The following SEMA4G variants were observed in gnomAD, a reference collection of about 807,000 sequenced individuals.
The protein encoded by SEMA4G is semaphorin 4G.
A neutral mutation model predicts 81.2 loss-of-function variants in SEMA4G; 59 were observed. The observed-to-expected ratio is 0.73, with a 90% CI of 0.59 to 0.90. SEMA4G has a LOEUF of 0.90. Among genes scored for constraint, SEMA4G ranks in the 40% least tolerant of loss-of-function variants. The pLI, the probability that SEMA4G is intolerant of heterozygous loss-of-function variation, is 0.00. For synonymous variants in SEMA4G, 404 were observed against 433.9 expected (o/e 0.93, Z 0.86); for missense variants, 952 against 1,102.3 (o/e 0.86, Z 1.93).
intron 4 of SEMA4G, 70 bp downstream of exon 5, chr10:100,977,800 A>G: frequency 1.5e-6 from 2 of 1,304,484 alleles, no homozygotes; most frequent in Non-Finnish European, 2.2e-6. Context: ...CAAGATGCCA[A>G]AGAAGAGACT....
rs775419372 is a variant in SEMA4G, at chr10:100,974,960, TA to T, written c.336+1360del. On this transcript the variant is annotated intron_variant, in intron 3 of 13. Coordinates refer to ENST00000370250, the Ensembl canonical transcript of SEMA4G. Reference sequence around the variant, plus strand: ...GACTCTATCTCTAATAAAAAATAATTAAAAAAAAATTCCCAAGATCCACTGG... The same window carrying T: ...GACTCTATCTCTAATAAAAAATAATTAAAAAAAATTCCCAAGATCCACTGG... The T allele has an allele frequency of 2.0e-4, 104 of 511,356 alleles. 1 individual carries two copies. The highest frequency in any genetic ancestry group is 1.0e-3 in the Admixed American group (46 of 45,776). 31.7% of individuals were successfully genotyped at this position (511,356 alleles called of 1,614,324 possible).
At chr10:100,979,433 A>G in intron 8 of SEMA4G, 162 bp downstream of exon 9, 1 of 1,537,786 alleles carries the variant, frequency 6.5e-7, no homozygotes, top group Non-Finnish European at 8.8e-7. Flanking sequence ...GCCAGGCTGG[A>G]GTGCAGTGGC....
exon 10 of SEMA4G, chr10:100,980,137 T>C: frequency 4.3e-6 from 7 of 1,614,164 alleles, no homozygotes; most frequent in South Asian, 1.1e-5. Context: ...CACAGATTCA[T>C]TGCGCAGCCA....
chr10:100,975,875 G>C (rs556196201), intron 3 of SEMA4G, among the ~76,000 whole-genome samples: 10 of 152,052 alleles, frequency 6.6e-5, no homozygotes, highest in Non-Finnish European at 1.5e-4. Context: ...CTCCAACCTA[G>C]CGGCAGAGCA....
At chr10:100,984,290 CA>C in exon 14 of SEMA4G, 1 of 1,439,416 alleles carries the variant, frequency 6.9e-7, no homozygotes, top group Non-Finnish European at 9.1e-7. Context: ...CAGGCCCAGC[CA>C]AAGCCCCCTC....
At chr10:100,984,112 T>C (rs1424259786) in exon 14 of SEMA4G, 8 of 1,611,626 alleles carry the variant, frequency 5.0e-6, no homozygotes, top group East Asian at 2.2e-5. Context: ...GTGGAGCAGC[T>C]AGATGAGAGC....
chr10:100,983,213 G>A (rs922335836), intron 13 of SEMA4G, 92 bp from the exon 15 acceptor site: 2 of 1,372,536 alleles, frequency 1.5e-6, no homozygotes, highest in South Asian at 1.5e-5. Context: ...TCTGTGCTTG[G>A]TGCCAGGGAC....
chr10:100,984,479 C>G, exon 14 of SEMA4G: 1 of 1,531,170 alleles, frequency 6.5e-7, no homozygotes, highest in Non-Finnish European at 8.7e-7. Flanking sequence ...AACCCTTTCT[C>G]TTTCTCCCAG....
At chr10:100,978,785 C>T in intron 6 of SEMA4G, 64 bp from the exon 8 acceptor site, 1 of 1,589,390 alleles carries the variant, frequency 6.3e-7, no homozygotes, top group South Asian at 1.1e-5. Flanking sequence ...AGGGGTCAGC[C>T]TCAGAGTGAG....
Position 100,982,074 on chromosome 10 carries a change from A to AG in SEMA4G, c.1690+845_1690+846insG, listed in dbSNP as rs1401309677. On this transcript the variant is annotated intron_variant, in intron 13 of 13. Transcript: ENST00000370250. ...CCTCATCTCATCTCAAAAAAAAAAAAAAAGAAAGAAAAAAGAATTCAAACC... is the reference window on the plus strand; with the variant it reads ...CCTCATCTCATCTCAAAAAAAAAAAAGAAAGAAAGAAAAAAGAATTCAAACC... 2.0e-5 allele frequency among the ~76,000 whole-genome samples: 3 copies of AG among 150,764 alleles called. 1 individual carries two copies. Among genetic ancestry groups the AG allele is most frequent in the Non-Finnish European group, 4.4e-5 (3 of 67,682 alleles).
At chr10:100,978,787 CAG>C (rs1209478560) in intron 6 of SEMA4G, 60 bp from the exon 8 acceptor site, 1 of 1,591,256 alleles carries the variant, frequency 6.3e-7, no homozygotes, top group East Asian at 2.2e-5. Context: ...GGGTCAGCCT[CAG>C]AGTGAGGGAA....
intron 13 of SEMA4G, among the ~76,000 whole-genome samples, chr10:100,982,647 C>T (rs1260917690): frequency 6.6e-6 from 1 of 152,200 alleles, no homozygotes; most frequent in African/African-American, 2.4e-5. Context: ...CAAAAACTAG[C>T]TGGGCATGGT....
intron 8 of SEMA4G, 142 bp downstream of exon 9, chr10:100,979,413 T>G (rs1403612428): frequency 1.9e-6 from 3 of 1,569,376 alleles, no homozygotes; most frequent in African/African-American, 1.4e-5. Flanking sequence ...AGAGGGAGTC[T>G]TGCTCTGTTG....
chr10:100,985,055 C>T (rs2133914138), downstream of SEMA4G: 1 of 764,900 alleles, frequency 1.3e-6, no homozygotes, highest in East Asian at 2.8e-5. Context: ...AGGGAGATCC[C>T]CCTCCCATTT....
intron 3 of SEMA4G, 119 bp from the exon 5 acceptor site, chr10:100,977,501 GGATCACAGGTAT>G: frequency 1.4e-6 from 1 of 728,422 alleles, no homozygotes. Flanking sequence ...GCAGTGAGAA[GGATCACAGGTAT>G]CTTGGAAAGA....
exon 12 of SEMA4G, chr10:100,980,837 G>A (rs1353345900): frequency 6.3e-7 from 1 of 1,580,010 alleles, no homozygotes; most frequent in East Asian, 2.2e-5. Flanking sequence ...CCTCTATGTG[G>A]GGGCTCCTAG....
rs138709087 is a variant in SEMA4G, at chr10:100,979,181, T to C, written c.893T>C (p.Leu298Pro). Reference sequence around the variant, plus strand: ...GCCCGTCTCATCTGCCACATTCCACTGTATGAGACACTGCGTGGGGTCTGC... The same window carrying C: ...GCCCGTCTCATCTGCCACATTCCACCGTATGAGACACTGCGTGGGGTCTGC... Residue 298 changes from leucine to proline, a missense_variant, in exon 8 of 14, where the codon CTG becomes CCG. Leu to Pro is a moderately conservative substitution (Grantham distance 98). Around this residue, in one of 3 missense-constraint regions of SEMA4G, gnomAD observed 436 missense variants for 488.2 expected, o/e 0.89. Transcript: ENST00000370250. 5.6e-6 allele frequency: 9 copies of C among 1,614,100 alleles called. No homozygotes were observed. Among genetic ancestry groups the C allele is most frequent in the Admixed American group, 1.7e-5 (1 of 60,006 alleles).
chr10:100,980,784 G>A, intron 11 of SEMA4G, 38 bp from the exon 13 acceptor site: 3 of 1,570,364 alleles, frequency 1.9e-6, no homozygotes, highest in Non-Finnish European at 2.6e-6. Context: ...CTGTATGAGT[G>A]GGGACGCTGC....
chr10:100,978,723 C>G (rs1401025142), intron 6 of SEMA4G, 83 bp downstream of exon 7: 2 of 1,547,830 alleles, frequency 1.3e-6, no homozygotes, highest in African/African-American at 1.4e-5. Flanking sequence ...ACCACCCCAC[C>G]CCCAAATCCC....
Sources: gnomAD v4.1 joint callset for allele counts (sites outside exome capture counted in the v4.1 genomes callset) on GRCh38, gnomAD v4.1.1 for gene constraint, gnomAD v4.1.1 regional missense constraint, MANE v1.5 for transcripts, NCBI Gene and HGNC (gene_info 2026-07-23, HGNC 2026-07-21) for gene names.